The following SMYD4 variants were observed in gnomAD, a reference collection of about 807,000 sequenced individuals.
SMYD4 encodes SET and MYND domain containing 4.
A neutral mutation model predicts 72.8 loss-of-function variants in SMYD4; 68 were observed. The ratio of observed to expected loss-of-function variants is 0.93; its 90% CI spans 0.77 to 1.14. The LOEUF (loss-of-function observed/expected upper bound fraction) is 1.14. SMYD4 is among the 50% of genes most tolerant of loss of function. The pLI is 0.00. For synonymous variants in SMYD4, 407 were observed against 388.6 expected (o/e 1.05, Z -0.56); for missense variants, 984 against 1,003.7 (o/e 0.98, Z 0.27).
At position 1,800,099 on chromosome 17, in the gene SMYD4, G is replaced by C. The variant is rs774709235; in HGVS notation, c.1295C>G (p.Thr432Ser). 1 of 1,611,430 alleles carries C rather than the reference G, an allele frequency of 6.2e-7. No homozygotes were observed. The highest frequency in any genetic ancestry group is 1.3e-5 in the African/African-American group (1 of 74,822). The part of the protein sequence containing the change: ...YNAVFNLLPH[T>S]ENHSPEHKFL... ...TTTGTGCTCTGGGCTATGGTTTTCA[G>C]TGTGGGGCAAAAGGTTGAAGACAGC... Residue 432 changes from threonine (T) to serine (S), a missense_variant, in exon 5 of 11, where the codon ACT becomes AGT. Thr to Ser is a moderately conservative substitution (Grantham distance 58). Coordinates refer to ENST00000305513, the MANE Select transcript of SMYD4 (RefSeq NM_052928.3).
intron 5 of SMYD4, among the ~76,000 whole-genome samples, chr17:1,791,627 A>G (rs1909034937): frequency 6.6e-6 from 1 of 152,238 alleles, no homozygotes; most frequent in Non-Finnish European, 1.5e-5. Context: ...TGGGCGCGTC[A>G]GTGGAACTTT....
intron 2 of SMYD4, among the ~76,000 whole-genome samples, chr17:1,822,029 A>G (rs1366473444): frequency 6.6e-6 from 1 of 152,030 alleles, no homozygotes; most frequent in Non-Finnish European, 1.5e-5. Context: ...GTTTGAGACT[A>G]GCCTGGCCAA....
At chr17:1,807,836 T>G (rs889717637) in intron 3 of SMYD4, among the ~76,000 whole-genome samples, 1 of 152,128 alleles carries the variant, frequency 6.6e-6, no homozygotes, top group Non-Finnish European at 1.5e-5. Context: ...GGAAATATAC[T>G]CAACAGTGCT....
rs144682692 is a variant in SMYD4, at chr17:1,801,010, G to A, written c.384C>T (p.Asp128=). The change falls in exon 5 of 11, where the codon GAC becomes GAT. Residue 128 remains aspartate, a synonymous_variant. Transcript: ENST00000305513. The part of the protein sequence containing the change: ...HLGQYETCLK[D]INRAQTHGYP... Reference sequence around the variant, plus strand: ...ACCCATGTGTCTGTGCTCTGTTAATGTCTTTAAGACACGTCTGAAAACAGA... The same window carrying A: ...ACCCATGTGTCTGTGCTCTGTTAATATCTTTAAGACACGTCTGAAAACAGA... The A allele has an allele frequency of 4.1e-4, 654 of 1,607,952 alleles. 2 individuals carry two copies. The African/African-American group carries it at 7.9e-3, about 19-fold the overall frequency.
intron 7 of SMYD4, among the ~76,000 whole-genome samples, chr17:1,785,893 TAAG>T (rs746841612): frequency 3.3e-5 from 5 of 152,162 alleles, no homozygotes; most frequent in East Asian, 1.9e-4. Context: ...ATGACTCCCC[TAAG>T]AAGAATACGG....
At chr17:1,816,156 C>CT in intron 2 of SMYD4, among the ~76,000 whole-genome samples, 1 of 152,282 alleles carries the variant, frequency 6.6e-6, no homozygotes, top group South Asian at 2.1e-4. Flanking sequence ...TCCACATCCC[C>CT]TGGCAAACTC....
chr17:1,791,538 G>A (rs1185503395), intron 5 of SMYD4, among the ~76,000 whole-genome samples: 1 of 152,042 alleles, frequency 6.6e-6, no homozygotes, highest in African/African-American at 2.4e-5. Flanking sequence ...ATAATAAAAA[G>A]GGATATAACA....
chr17:1,824,611 TTATTTA>T (rs905500739), intron 2 of SMYD4, among the ~76,000 whole-genome samples: 6 of 151,166 alleles, frequency 4.0e-5, no homozygotes, highest in South Asian at 4.2e-4. Context: ...TCTGATTATT[TTATTTA>T]TATTTATATT....
intron 3 of SMYD4, among the ~76,000 whole-genome samples, chr17:1,811,644 G>A (rs1414551292): frequency 3.3e-5 from 5 of 152,150 alleles, no homozygotes; most frequent in South Asian, 2.1e-4. Flanking sequence ...TTGCTGGGCT[G>A]GGCAGGGCAT....
chr17:1,787,751 G>T (rs1908783518), intron 5 of SMYD4, 147 bp from the exon 6 acceptor site: 3 of 841,790 alleles, frequency 3.6e-6, no homozygotes, highest in Non-Finnish European at 3.6e-6. Flanking sequence ...AAATCAGATG[G>T]GACATGACTC....
chr17:1,819,944 C>G (rs998054833), intron 2 of SMYD4, among the ~76,000 whole-genome samples: 2 of 152,008 alleles, frequency 1.3e-5, no homozygotes, highest in African/African-American at 4.8e-5. Context: ...CCTGACACCA[C>G]GCCCAGCTAA....
At chr17:1,788,126 T>C (rs1908805614) in intron 5 of SMYD4, among the ~76,000 whole-genome samples, 1 of 152,066 alleles carries the variant, frequency 6.6e-6, no homozygotes, top group Admixed American at 6.6e-5. Flanking sequence ...CGCAGAAGAA[T>C]TGCTTGAGCC....
chr17:1,785,177 C>A (rs1327615625), intron 7 of SMYD4, among the ~76,000 whole-genome samples: 2 of 149,234 alleles, frequency 1.3e-5, no homozygotes, highest in Admixed American at 1.3e-4. Flanking sequence ...AATCCCAGCA[C>A]TTTGGGAGGG....
At chr17:1,827,507 A>C (rs1911252905) in intron 2 of SMYD4, among the ~76,000 whole-genome samples, 1 of 152,242 alleles carries the variant, frequency 6.6e-6, no homozygotes. Context: ...AAGATGGCCC[A>C]GCTGAGGCTC....
At chr17:1,803,576 T>C (rs1044818127) in intron 4 of SMYD4, among the ~76,000 whole-genome samples, 2 of 151,980 alleles carry the variant, frequency 1.3e-5, no homozygotes, top group African/African-American at 4.8e-5. Flanking sequence ...ACTGACTCAC[T>C]GCAACATCTG....
intron 5 of SMYD4, among the ~76,000 whole-genome samples, chr17:1,792,088 G>C (rs1909070522): frequency 2.0e-5 from 3 of 151,642 alleles, no homozygotes; most frequent in Middle Eastern, 3.4e-3. Context: ...GCCCAGGCTG[G>C]AGTGAGTGCA....
At chr17:1,822,802 C>A (rs1910961146) in intron 2 of SMYD4, among the ~76,000 whole-genome samples, 1 of 152,080 alleles carries the variant, frequency 6.6e-6, no homozygotes, top group Admixed American at 6.6e-5. Flanking sequence ...TTTACACCAC[C>A]AATCACCAAT....
At chr17:1,793,918 T>G (rs1215543872) in intron 5 of SMYD4, among the ~76,000 whole-genome samples, 2 of 148,564 alleles carry the variant, frequency 1.3e-5, no homozygotes, top group Non-Finnish European at 3.0e-5. Context: ...CCTCCCAGAT[T>G]CAAGCGATTC....
At chr17:1,806,418 G>C (rs1910037328) in intron 3 of SMYD4, among the ~76,000 whole-genome samples, 1 of 152,104 alleles carries the variant, frequency 6.6e-6, no homozygotes. Flanking sequence ...TTATACTATA[G>C]GCAAAGAGCT....
Sources: allele counts gnomAD v4.1 joint callset (sites outside exome capture counted in the v4.1 genomes callset), GRCh38; gene constraint gnomAD v4.1.1; transcripts MANE v1.5; gene names NCBI Gene and HGNC (gene_info 2026-07-23, HGNC 2026-07-21).